ANKRD28: variants seen among roughly 807,000 people sequenced by gnomAD.
ANKRD28 encodes ankyrin repeat domain 28.
ANKRD28 carries 44 observed loss-of-function variants against 126.5 expected under a neutral mutation model. The observed-to-expected ratio is 0.35, with a 90% CI of 0.27 to 0.45. ANKRD28 has a LOEUF of 0.45. ANKRD28 is among the 20% of genes least tolerant of loss of function. The pLI, the probability that ANKRD28 is intolerant of heterozygous loss-of-function variation, is 1.00. For synonymous variants in ANKRD28, 442 were observed against 468.5 expected, an observed-to-expected ratio of 0.94 and a Z score of 0.73; for missense variants, 1,110 against 1,316.6, an observed-to-expected ratio of 0.84 and a Z score of 2.43.
intron 18 of ANKRD28, among the ~76,000 whole-genome samples, chr3:15,688,342 A>G (rs1488384257): frequency 6.6e-6 from 1 of 152,158 alleles, no homozygotes; most frequent in African/African-American, 2.4e-5. Context: ...CCTAGAGTGC[A>G]ATGAAACTGA....
chr3:15,703,265 T>C (rs1221865234), intron 14 of ANKRD28, among the ~76,000 whole-genome samples: 2 of 152,236 alleles, frequency 1.3e-5, no homozygotes, highest in African/African-American at 4.8e-5. Flanking sequence ...TTTATGAAGT[T>C]TGAAAACAGA....
At chr3:15,737,785 T>A (rs941542319) in intron 4 of ANKRD28, among the ~76,000 whole-genome samples, 4 of 152,002 alleles carry the variant, frequency 2.6e-5, no homozygotes, top group African/African-American at 9.7e-5. Flanking sequence ...CTTTGAACAA[T>A]TTTAAGCAAT....
intron 2 of ANKRD28, among the ~76,000 whole-genome samples, chr3:15,768,390 C>G (rs3933691): frequency 6.6e-6 from 1 of 152,038 alleles, no homozygotes; most frequent in African/African-American, 2.4e-5. Context: ...ATTATACAGA[C>G]GTATCTTAAC....
intron 3 of ANKRD28, 107 bp downstream of exon 3, chr3:15,766,127 C>G: frequency 1.3e-6 from 1 of 792,664 alleles, no homozygotes. Context: ...GCTGATAAAA[C>G]AAATATGAAC....
chr3:15,702,359 AG>A (rs1293728437), intron 14 of ANKRD28, among the ~76,000 whole-genome samples: 1 of 152,230 alleles, frequency 6.6e-6, no homozygotes, highest in African/African-American at 2.4e-5. Flanking sequence ...GGGTGGGGGC[AG>A]AAGAGTCTGT....
chr3:15,754,054 T>C (rs2058026544), intron 3 of ANKRD28, among the ~76,000 whole-genome samples: 2 of 152,224 alleles, frequency 1.3e-5, no homozygotes, highest in Non-Finnish European at 2.9e-5. Context: ...TTTACTTTTA[T>C]GTAGAAAAAG....
At chr3:15,796,316 T>C in intron 1 of ANKRD28, 89 bp downstream of exon 1, 1 of 775,868 alleles carries the variant, frequency 1.3e-6, no homozygotes, top group African/African-American at 1.9e-5. Flanking sequence ...GTAAAGAAAC[T>C]ATTGGAAATT....
intron 6 of ANKRD28, among the ~76,000 whole-genome samples, chr3:15,726,273 A>G (rs1160101542): frequency 2.6e-5 from 4 of 152,234 alleles, no homozygotes; most frequent in Non-Finnish European, 4.4e-5. Flanking sequence ...TTGAAACGTG[A>G]GACAGGCTGA....
At chr3:15,749,110 T>G (rs1341412485) in intron 4 of ANKRD28, among the ~76,000 whole-genome samples, 4 of 134,268 alleles carry the variant, frequency 3.0e-5, no homozygotes, top group African/African-American at 5.9e-5. Context: ...TGTTTTTTTT[T>G]TTTTTTTTTT....
intron 13 of ANKRD28, among the ~76,000 whole-genome samples, chr3:15,708,389 A>T (rs1043917515): frequency 9.2e-5 from 14 of 152,198 alleles, no homozygotes; most frequent in Non-Finnish European, 1.9e-4. Flanking sequence ...CTTTCATTTT[A>T]GGAAAGTTTC....
chr3:15,825,640 C>T (rs2061048551), intron 1 of ANKRD28, among the ~76,000 whole-genome samples: 1 of 152,068 alleles, frequency 6.6e-6, no homozygotes, highest in African/African-American at 2.4e-5. Flanking sequence ...TAAGAATGAT[C>T]ATACTATAAT....
chr3:15,692,139 C>T (rs1410263805), intron 17 of ANKRD28, among the ~76,000 whole-genome samples: 3 of 99,010 alleles, frequency 3.0e-5, no homozygotes, highest in African/African-American at 9.5e-5. Context: ...GATTGTATCT[C>T]TAAATAAAAA....
chr3:15,701,536 C>T (rs1215512527), intron 14 of ANKRD28, among the ~76,000 whole-genome samples: 6 of 151,998 alleles, frequency 3.9e-5, no homozygotes, highest in South Asian at 2.1e-4. Flanking sequence ...CCCAGCTCCT[C>T]GGGAGGCTGA....
intron 1 of ANKRD28, among the ~76,000 whole-genome samples, chr3:15,819,560 A>G (rs986001988): frequency 2.6e-5 from 4 of 152,240 alleles, no homozygotes; most frequent in African/African-American, 9.6e-5. Flanking sequence ...GCTACAGTAC[A>G]GGAAACCAGA....
chr3:15,795,430 C>A, intron 1 of ANKRD28, 124 bp from the exon 2 acceptor site: 1 of 568,286 alleles, frequency 1.8e-6, no homozygotes. Context: ...TGACATTAGC[C>A]AGAAGTTTCA....
intron 1 of ANKRD28, among the ~76,000 whole-genome samples, chr3:15,813,753 T>C (rs558733056): frequency 5.3e-5 from 8 of 152,174 alleles, no homozygotes; most frequent in South Asian, 4.1e-4. Context: ...CATGAAAACA[T>C]AGGAGTCACT....
chr3:15,712,809 G>T (rs1292692967), intron 10 of ANKRD28, among the ~76,000 whole-genome samples: 1 of 152,056 alleles, frequency 6.6e-6, no homozygotes, highest in Non-Finnish European at 1.5e-5. Flanking sequence ...TGTGAAAGAA[G>T]GCCTAAATTT....
At chr3:15,714,472 C>T in intron 9 of ANKRD28, 106 bp downstream of exon 9, 1 of 776,580 alleles carries the variant, frequency 1.3e-6, no homozygotes, top group Non-Finnish European at 1.9e-6. Flanking sequence ...TAAAAATACA[C>T]AAAATGCGAT....
rs1184532114 is a variant in ANKRD28 at position 15,677,469 on chromosome 3, T to C, written c.2790+11A>G. On this transcript the variant is annotated intron_variant, in intron 25 of 27. Transcript: ENST00000683139. ...TAACAATGGAAACATATTCTTAAGATGTATACATACCTTGCTACAAGCCAA... is the reference window on the plus strand; with the variant it reads ...TAACAATGGAAACATATTCTTAAGACGTATACATACCTTGCTACAAGCCAA... The C allele has an allele frequency of 1.9e-6, 3 of 1,590,636 alleles. No individual in the cohort carries two copies. The Admixed American group carries it at 5.0e-5, about 27-fold the overall frequency.
Sources: gnomAD v4.1 joint callset for allele counts (sites outside exome capture counted in the v4.1 genomes callset) on GRCh38, gnomAD v4.1.1 for gene constraint, MANE v1.5 for transcripts, NCBI Gene and HGNC (gene_info 2026-07-23, HGNC 2026-07-21) for gene names.